Variants in NRG3 observed in about 807,000 individuals in gnomAD.
NRG3 encodes neuregulin 3.
Under a neutral mutation model 66.9 loss-of-function variants are expected in NRG3, and 31 were observed. The observed-to-expected ratio is 0.46, with a 90% CI of 0.35 to 0.63. The LOEUF is 0.63. Among genes scored for constraint, NRG3 ranks in the 20% least tolerant of loss-of-function variants. The pLI, the probability that NRG3 is intolerant of heterozygous loss-of-function variation, is 0.00. For missense variants in NRG3, 910 were observed against 878.9 expected (o/e 1.04, Z -0.45); for synonymous variants, 393 against 359.4 (o/e 1.09, Z -1.06).
At chr10:81,876,269 A>C in intron 1 of NRG3, 106 bp downstream of exon 1, 31 of 1,405,186 alleles carry the variant, frequency 2.2e-5, no homozygotes, top group Non-Finnish European at 2.9e-5. Flanking sequence ...CCCCTCCCCC[A>C]TCCCAGGTTT....
chr10:82,783,862 A>C (rs1367287626), intron 3 of NRG3, among the ~76,000 whole-genome samples: 6 of 152,164 alleles, frequency 3.9e-5, no homozygotes, highest in Non-Finnish European at 5.9e-5. Context: ...AACCACTTTA[A>C]AGTTCATATG....
At chr10:81,968,720 A>AC (rs1397091487) in intron 1 of NRG3, among the ~76,000 whole-genome samples, 1 of 152,184 alleles carries the variant, frequency 6.6e-6, no homozygotes, top group Non-Finnish European at 1.5e-5. Flanking sequence ...CAGGCCACAG[A>AC]CGTCATAGAA....
chr10:82,919,822 A>C (rs551576345), intron 4 of NRG3, among the ~76,000 whole-genome samples: 30 of 152,224 alleles, frequency 2.0e-4, no homozygotes, highest in Admixed American at 1.4e-3. Context: ...TCGTGTAAAA[A>C]TTTGCTCAGC....
intron 1 of NRG3, among the ~76,000 whole-genome samples, chr10:82,302,687 C>A (rs1271870522): frequency 6.6e-6 from 1 of 152,026 alleles, no homozygotes; most frequent in Non-Finnish European, 1.5e-5. Flanking sequence ...TGAAGGATAT[C>A]CCAAGAGAAC....
In NRG3 at chr10:82,753,151, C is replaced by T. The variant is rs544674679; in HGVS notation, c.1027+14501C>T. On this transcript the variant is annotated intron_variant, in intron 3 of 8. Transcript: ENST00000372141. ...GTTTTCCAAAGCCTCTTTGACATGACGGTTTGTTTTATGAAACTATATTTG... is the reference window on the plus strand; with the variant it reads ...GTTTTCCAAAGCCTCTTTGACATGATGGTTTGTTTTATGAAACTATATTTG... 4.5e-4 allele frequency among the ~76,000 whole-genome samples: 69 copies of T among 152,166 alleles called. 2 individuals carry two copies. Among genetic ancestry groups the T allele is most frequent in the South Asian group, 1.5e-3 (7 of 4,826 alleles).
rs1051109284 is a variant in NRG3 at position 82,310,958 on chromosome 10, T to C, written c.824-47781T>C. Among the ~76,000 whole-genome samples the C allele has an allele frequency of 2.0e-5, 3 of 152,320 alleles. No homozygotes were observed. The East Asian group carries it at 5.8e-4, about 29-fold the overall frequency. On this transcript the variant is annotated intron_variant, in intron 1 of 8. Transcript: ENST00000372141. The stretch of plus-strand genomic sequence containing the variant: ...AATTTATGTGTTGCTTACTCTAAGA[T>C]TGAGGCAAATGAGAGTGACAGTTCT...
At chr10:82,694,058 T>C (rs2055170429) in intron 2 of NRG3, among the ~76,000 whole-genome samples, 1 of 152,202 alleles carries the variant, frequency 6.6e-6, no homozygotes, top group Non-Finnish European at 1.5e-5. Context: ...AGAGTGCTGA[T>C]TGGTGCATTT....
At chr10:82,495,881 G>T (rs1050988085) in intron 2 of NRG3, among the ~76,000 whole-genome samples, 1 of 150,808 alleles carries the variant, frequency 6.6e-6, no homozygotes, top group African/African-American at 2.4e-5. Context: ...TTTCTCTTTG[G>T]CAGAATGTGA....
intron 1 of NRG3, among the ~76,000 whole-genome samples, chr10:82,109,126 C>T (rs576648120): frequency 7.2e-5 from 11 of 152,160 alleles, no homozygotes; most frequent in African/African-American, 1.9e-4. Context: ...TTATACTAGT[C>T]GCTAATGTCA....
intron 3 of NRG3, among the ~76,000 whole-genome samples, chr10:82,769,352 GA>G (rs1163654487): frequency 6.6e-6 from 1 of 151,952 alleles, no homozygotes; most frequent in African/African-American, 2.4e-5. Flanking sequence ...GATATCTTGA[GA>G]AAATATACCT....
At chr10:82,655,018 G>A (rs1276967935) in intron 2 of NRG3, among the ~76,000 whole-genome samples, 1 of 151,772 alleles carries the variant, frequency 6.6e-6, no homozygotes, top group Admixed American at 6.6e-5. Context: ...TTATTTTACT[G>A]AGAAAGTTTT....
At chr10:82,056,210 GTTTA>G (rs1564776473) in intron 1 of NRG3, among the ~76,000 whole-genome samples, 1 of 152,136 alleles carries the variant, frequency 6.6e-6, no homozygotes, top group East Asian at 1.9e-4. Flanking sequence ...TGGTTAAGGA[GTTTA>G]ATACTTGAGC....
intron 4 of NRG3, among the ~76,000 whole-genome samples, chr10:82,887,642 A>C (rs1842836193): frequency 6.6e-6 from 1 of 152,176 alleles, no homozygotes; most frequent in South Asian, 2.1e-4. Context: ...ATTGAAACAG[A>C]CAATTAAAGG....
chr10:82,945,465 A>G (rs143088436), intron 4 of NRG3, among the ~76,000 whole-genome samples: 1 of 152,308 alleles, frequency 6.6e-6, no homozygotes, highest in East Asian at 1.9e-4. Context: ...TATTTTGAAA[A>G]AAGAAATTTA....
At chr10:82,220,186 CTG>C (rs60708384) in intron 1 of NRG3, among the ~76,000 whole-genome samples, 25,477 of 149,520 alleles carry the variant, frequency 0.17, 2,930 homozygotes, top group African/African-American at 0.33. Flanking sequence ...TGTATCTTTA[CTG>C]TGTGTGTGTG....
chr10:82,347,615 G>A (rs1454429527), intron 1 of NRG3, among the ~76,000 whole-genome samples: 2 of 151,946 alleles, frequency 1.3e-5, no homozygotes, highest in African/African-American at 4.8e-5. Flanking sequence ...CAATTCCTGG[G>A]TATCCTTGTT....
intron 2 of NRG3, among the ~76,000 whole-genome samples, chr10:82,514,276 A>G (rs1340480399): frequency 6.6e-6 from 1 of 152,118 alleles, no homozygotes; most frequent in African/African-American, 2.4e-5. Context: ...TATGTCTTGA[A>G]TGGTATTGCC....
chr10:82,102,133 C>T (rs1436150817), intron 1 of NRG3, among the ~76,000 whole-genome samples: 22 of 26,280 alleles, frequency 8.4e-4, no homozygotes, highest in Non-Finnish European at 1.0e-3. Flanking sequence ...TATGTGTATT[C>T]ATATATATAT....
At chr10:82,383,387 A>G (rs544562067) in intron 2 of NRG3, among the ~76,000 whole-genome samples, 4 of 151,548 alleles carry the variant, frequency 2.6e-5, no homozygotes, top group African/African-American at 9.7e-5. Context: ...TCATACCTAA[A>G]TTTATTTACT....
Sources: allele counts gnomAD v4.1 joint callset (sites outside exome capture counted in the v4.1 genomes callset), GRCh38; gene constraint gnomAD v4.1.1; transcripts MANE v1.5; gene names NCBI Gene and HGNC (gene_info 2026-07-23, HGNC 2026-07-21).